Variants in UBE2E2 observed in about 807,000 individuals in gnomAD.
UBE2E2 encodes the protein ubiquitin-conjugating enzyme E2 E2.
UBE2E2 carries 6 observed loss-of-function variants against 24.7 expected under a neutral mutation model. That is an observed-to-expected ratio of 0.24 (90% CI 0.13 to 0.48). The LOEUF (loss-of-function observed/expected upper bound fraction) is 0.48, where lower values mean the gene tolerates loss of function less well. UBE2E2 is among the 20% of genes least tolerant of loss of function. The pLI is 0.99. For missense variants in UBE2E2, 169 were observed against 245.0 expected (o/e 0.69, Z 2.07); for synonymous variants, 104 against 83.6 (o/e 1.24, Z -1.33).
At chr3:23,426,614 C>G in intron 3 of UBE2E2, among the ~76,000 whole-genome samples, 1 of 152,078 alleles carries the variant, frequency 6.6e-6, no homozygotes, top group East Asian at 1.9e-4. Flanking sequence ...AAAAAAACTT[C>G]CAGCCAAAAA....
intron 3 of UBE2E2, among the ~76,000 whole-genome samples, chr3:23,394,860 T>C (rs1697037428): frequency 6.6e-6 from 1 of 152,208 alleles, no homozygotes; most frequent in Admixed American, 6.5e-5. Context: ...TTGATTGGAA[T>C]AAGGTGATCT....
At chr3:23,575,013 G>T (rs1696317111) in intron 5 of UBE2E2, among the ~76,000 whole-genome samples, 1 of 152,176 alleles carries the variant, frequency 6.6e-6, no homozygotes, top group Non-Finnish European at 1.5e-5. Flanking sequence ...TGGATCTTCA[G>T]ATTAGGGCTA....
intron 1 of UBE2E2, among the ~76,000 whole-genome samples, chr3:23,205,512 A>AT (rs1696123888): frequency 6.6e-6 from 1 of 152,134 alleles, no homozygotes; most frequent in African/African-American, 2.4e-5. Flanking sequence ...TGGTACAATA[A>AT]TTTTTTTCTA....
rs901519664 is a variant in UBE2E2 at position 23,360,303 on chromosome 3, TA to T, written c.228-139296del. On this transcript the variant is annotated intron_variant, in intron 3 of 5. Transcript: ENST00000396703. ...AAATTCGTTTTAAAAAAGTCAGTGT[TA>T]AAAAAAAAGTGAGTCCTTTCTCCCT... 9.9e-4 allele frequency among the ~76,000 whole-genome samples: 149 copies of T among 151,114 alleles called. 1 individual carries two copies. The highest frequency in any genetic ancestry group is 7.5e-4 in the Non-Finnish European group (51 of 67,690).
intron 3 of UBE2E2, among the ~76,000 whole-genome samples, chr3:23,464,102 C>T (rs1395382565): frequency 6.6e-6 from 1 of 152,084 alleles, no homozygotes; most frequent in Non-Finnish European, 1.5e-5. Flanking sequence ...GGAGCTTAGC[C>T]TGGTAACAGC....
intron 3 of UBE2E2, among the ~76,000 whole-genome samples, chr3:23,379,004 C>A (rs1422873953): frequency 6.6e-6 from 1 of 152,140 alleles, no homozygotes; most frequent in Non-Finnish European, 1.5e-5. Context: ...GATCCATATA[C>A]TTCTCAGTGA....
intron 3 of UBE2E2, among the ~76,000 whole-genome samples, chr3:23,312,631 T>A (rs1694442850): frequency 6.6e-6 from 1 of 152,164 alleles, no homozygotes; most frequent in Admixed American, 6.5e-5. Flanking sequence ...TTCATTTATT[T>A]CTGCTCTGAT....
intron 4 of UBE2E2, among the ~76,000 whole-genome samples, chr3:23,518,947 C>T (rs1393161473): frequency 1.3e-5 from 2 of 152,198 alleles, no homozygotes; most frequent in Non-Finnish European, 2.9e-5. Flanking sequence ...ATTTGTTCCA[C>T]AAAAGGCTAA....
chr3:23,376,200 T>A (rs1215591742), intron 3 of UBE2E2, among the ~76,000 whole-genome samples: 1 of 152,202 alleles, frequency 6.6e-6, no homozygotes, highest in African/African-American at 2.4e-5. Context: ...TCTAACAGTA[T>A]ATATTGGGAT....
chr3:23,260,594 C>T (rs996129640), intron 3 of UBE2E2, among the ~76,000 whole-genome samples: 1 of 152,054 alleles, frequency 6.6e-6, no homozygotes, highest in Admixed American at 6.5e-5. Context: ...GGGAGGATTG[C>T]TTGAGTTCAG....
chr3:23,427,827 G>A (rs536671115), intron 3 of UBE2E2, among the ~76,000 whole-genome samples: 107 of 152,260 alleles, frequency 7.0e-4, no homozygotes, highest in African/African-American at 2.2e-3. Context: ...ATGAAGAGGG[G>A]CATTACATAA....
intron 3 of UBE2E2, among the ~76,000 whole-genome samples, chr3:23,351,849 C>T (rs369629122): frequency 3.3e-5 from 5 of 152,200 alleles, no homozygotes; most frequent in African/African-American, 4.8e-5. Flanking sequence ...AACAAGGATA[C>T]CCAGGAATTG....
chr3:23,234,603 G>C (rs1697057421), intron 3 of UBE2E2, among the ~76,000 whole-genome samples: 1 of 152,190 alleles, frequency 6.6e-6, no homozygotes, highest in Admixed American at 6.5e-5. Flanking sequence ...TTATAAGTTA[G>C]ATACAGTGGG....
At chr3:23,333,709 T>C (rs1049546745) in intron 3 of UBE2E2, among the ~76,000 whole-genome samples, 7 of 152,306 alleles carry the variant, frequency 4.6e-5, no homozygotes, top group Admixed American at 4.6e-4. Flanking sequence ...GTAGGAGCAG[T>C]AGTATCTCGT....
At chr3:23,262,281 C>G (rs73037704) in intron 3 of UBE2E2, among the ~76,000 whole-genome samples, 26,302 of 151,964 alleles carry the variant, frequency 0.17, 2,543 homozygotes, top group Non-Finnish European at 0.21. Flanking sequence ...AGGGCTCTTA[C>G]CAATTTTTTA....
At chr3:23,278,974 A>G (rs1049275073) in intron 3 of UBE2E2, among the ~76,000 whole-genome samples, 2 of 152,094 alleles carry the variant, frequency 1.3e-5, no homozygotes, top group Non-Finnish European at 2.9e-5. Context: ...TTTTAAAAGG[A>G]TACTAAATTA....
chr3:23,539,070 A>G (rs559006190), intron 5 of UBE2E2, among the ~76,000 whole-genome samples: 45 of 152,198 alleles, frequency 3.0e-4, no homozygotes, highest in Non-Finnish European at 5.4e-4. Context: ...GAAACAAGTC[A>G]AAAGGATTCA....
chr3:23,228,066 A>T (rs1696873160), intron 3 of UBE2E2, among the ~76,000 whole-genome samples: 1 of 152,338 alleles, frequency 6.6e-6, no homozygotes, highest in Middle Eastern at 3.4e-3. Context: ...TCAAAACTGT[A>T]TTAAGGGAAG....
At chr3:23,406,220 C>T (rs1697353659) in intron 3 of UBE2E2, among the ~76,000 whole-genome samples, 1 of 152,218 alleles carries the variant, frequency 6.6e-6, no homozygotes, top group Non-Finnish European at 1.5e-5. Context: ...TCCCAGTTCC[C>T]TTCCTGTTTC....
Sources: allele counts gnomAD v4.1 joint callset (sites outside exome capture counted in the v4.1 genomes callset), GRCh38; gene constraint gnomAD v4.1.1; transcripts MANE v1.5; gene names NCBI Gene and HGNC (gene_info 2026-07-23, HGNC 2026-07-21).